AHCTF1: variants seen among roughly 807,000 people sequenced by gnomAD.
AHCTF1 encodes the protein AT-hook containing transcription factor 1.
Under a neutral mutation model 248.4 loss-of-function variants are expected in AHCTF1, and 24 were observed. The ratio of observed to expected loss-of-function variants is 0.10; its 90% CI spans 0.07 to 0.14. AHCTF1 has a LOEUF of 0.14. Among genes scored for constraint, AHCTF1 ranks in the 10% least tolerant of loss-of-function variants. The probability of loss-of-function intolerance (pLI) is 1.00; values close to 1 mark genes in which losing one functional copy is unlikely to be tolerated. For synonymous variants in AHCTF1, 786 were observed against 929.8 expected (o/e 0.85, Z 2.81); for missense variants, 2,206 against 2,636.2 (o/e 0.84, Z 3.57).
rs1663980718 is a variant in AHCTF1 at position 246,888,437 on chromosome 1, C to T, written c.2225G>A (p.Arg742Gln). 1.9e-6 allele frequency: 3 copies of T among 1,613,144 alleles called. No homozygotes were observed. The highest frequency in any genetic ancestry group is 2.2e-5 in the East Asian group (1 of 44,878). Residue 742 changes from arginine (R) to glutamine (Q), a missense_variant, in exon 18 of 36, where the codon CGA becomes CAA. By Grantham distance (43) the Arg-to-Gln change is conservative (BLOSUM62 1). Transcript: ENST00000648844. ...ATATTTTCCTGTGCCTCCTTCATCT[C>T]GTTTCCACAACTTCTCAATTCGCTC... The part of the protein sequence containing the change: ...LGERIEKLWK[R>Q]DEGGTGKYPP...
chr1:246,923,001 A>G (rs1437413923), intron 1 of AHCTF1, among the ~76,000 whole-genome samples: 2 of 150,260 alleles, frequency 1.3e-5, no homozygotes, highest in Non-Finnish European at 3.0e-5. Flanking sequence ...AAAAAAAAAA[A>G]AAAGTATCAA....
intron 25 of AHCTF1, 44 bp from the exon 26 acceptor site, chr1:246,867,395 C>T: frequency 7.6e-7 from 1 of 1,313,726 alleles, no homozygotes; most frequent in Non-Finnish European, 1.1e-6. Flanking sequence ...ACAAGGAGCA[C>T]TGATAACAAG....
At chr1:246,927,552 A>G (rs992777753) in intron 1 of AHCTF1, among the ~76,000 whole-genome samples, 1 of 152,250 alleles carries the variant, frequency 6.6e-6, no homozygotes, top group East Asian at 1.9e-4. Flanking sequence ...ACAAACACAC[A>G]TGAAACACCT....
rs750919421 is a variant in AHCTF1, at chr1:246,853,098, T to C, written c.4556A>G (p.Glu1519Gly). 19 of 1,603,378 alleles carry C rather than the reference T, an allele frequency of 1.2e-5. No homozygotes were observed. The highest frequency in any genetic ancestry group is 1.5e-5 in the Non-Finnish European group (18 of 1,176,730). Residue 1519 changes from glutamate (E) to glycine (G), a missense_variant, in exon 32 of 36, where the codon GAA becomes GGA. Transcript: ENST00000648844. ...AAAATTAATTTTTTTTACATGAATTTCTTGAGTATCAGGAGGGCTGTCAGA... is the reference window on the plus strand; with the variant it reads ...AAAATTAATTTTTTTTACATGAATTCCTTGAGTATCAGGAGGGCTGTCAGA... Reference protein sequence around the residue: ...PISDSPPDTQEIHVIEQEKLE... With the variant: ...PISDSPPDTQGIHVIEQEKLE...
chr1:246,884,541 A>G (rs567964295), intron 21 of AHCTF1, among the ~76,000 whole-genome samples: 6 of 152,330 alleles, frequency 3.9e-5, no homozygotes, highest in Non-Finnish European at 7.4e-5. Flanking sequence ...GTGGTATAAA[A>G]TAAGTCTAGT....
intron 23 of AHCTF1, 150 bp downstream of exon 23, chr1:246,876,800 T>G (rs1663001769): frequency 1.0e-6 from 1 of 956,848 alleles, no homozygotes; most frequent in East Asian, 2.5e-5. Context: ...TGTTCCCAAT[T>G]CTGTTACAGA....
chr1:246,860,988 G>C lies in AHCTF1; in HGVS notation c.4043C>G (p.Thr1348Ser), dbSNP rs762383722. 1.2e-5 allele frequency: 19 copies of C among 1,613,812 alleles called. No individual in the cohort carries two copies. Among genetic ancestry groups the C allele is most frequent in the Admixed American group, 1.7e-5 (1 of 59,998 alleles). The change falls in exon 29 of 36, where the codon ACT becomes AGT. Residue 1348 changes from threonine to serine, a missense_variant. By Grantham distance (58) the Thr-to-Ser change is moderately conservative. Coordinates refer to ENST00000648844, the MANE Select transcript of AHCTF1 (RefSeq NM_001323342.2). ...TTCAGTTTGTTCAGTTACATTAGTA[G>C]TTAGTGCAGTGGAAGAGCTTTTGGG... ...SKPKSSSTAL[T>S]TNVTEQTEKD...
rs544937640 is a variant in AHCTF1, at chr1:246,884,038, A to G, written c.2660+1455T>C. Among the ~76,000 whole-genome samples the G allele has an allele frequency of 2.6e-4, 39 of 152,298 alleles. 1 individual carries two copies. In the South Asian group the frequency reaches 7.7e-3, roughly 30 times the overall value. On this transcript the variant is annotated intron_variant, in intron 21 of 35. Transcript: ENST00000648844. ...AGTGATTAAGTAGCAACACTTTAAC[A>G]TCACTAAACAGTGAGAGGTACATGC...
intron 11 of AHCTF1, 44 bp from the exon 12 acceptor site, chr1:246,898,380 G>A: frequency 1.9e-6 from 3 of 1,543,892 alleles, no homozygotes; most frequent in Non-Finnish European, 1.8e-6. Flanking sequence ...TGCTCAATTT[G>A]AATAATCAAA....
At chr1:246,852,539 T>C (rs1274560648) in intron 32 of AHCTF1, among the ~76,000 whole-genome samples, 3 of 152,016 alleles carry the variant, frequency 2.0e-5, no homozygotes, top group Non-Finnish European at 2.9e-5. Context: ...ATTTTCAGAG[T>C]GTACAGATGT....
chr1:246,870,221 A>T, intron 24 of AHCTF1, among the ~76,000 whole-genome samples: 1 of 152,126 alleles, frequency 6.6e-6, no homozygotes, highest in East Asian at 1.9e-4. Flanking sequence ...AGGTGGGAGG[A>T]TCACTTGAGG....
rs77210882 is a variant in AHCTF1 at position 246,871,029 on chromosome 1, T to G, written c.3089-3218A>C. On this transcript the variant is annotated intron_variant, in intron 24 of 35. Transcript: ENST00000648844. ...CGCTCCCACTGTAGCCTTGCTTAAG[T>G]TGCCAAACCTTTTGACTTATCTGTC... 5.8e-3 allele frequency among the ~76,000 whole-genome samples: 877 copies of G among 152,298 alleles called. 10 individuals are homozygous for G. The highest frequency in any genetic ancestry group is 0.02 in the African/African-American group (832 of 41,560).
chr1:246,910,101 T>C (rs1311167913), intron 4 of AHCTF1, among the ~76,000 whole-genome samples: 3 of 152,206 alleles, frequency 2.0e-5, no homozygotes, highest in South Asian at 4.1e-4. Flanking sequence ...CAAACTACCT[T>C]GCCAAAATAC....
chr1:246,847,899 G>A (rs1039751917), intron 33 of AHCTF1, among the ~76,000 whole-genome samples: 8 of 151,988 alleles, frequency 5.3e-5, no homozygotes, highest in Non-Finnish European at 8.8e-5. Context: ...ATGACTTCCT[G>A]CCACTCCCTG....
intron 32 of AHCTF1, 126 bp from the exon 33 acceptor site, chr1:246,851,568 T>C (rs1281704246): frequency 5.0e-6 from 4 of 794,490 alleles, no homozygotes; most frequent in African/African-American, 1.7e-5. Context: ...TAATATGGCA[T>C]ATACTTATGG....
At position 246,902,554 on chromosome 1, in the gene AHCTF1, T is replaced by G; in HGVS notation, c.1088A>C (p.His363Pro). 6.2e-7 allele frequency: 1 copy of G among 1,611,646 alleles called. No individual in the cohort carries two copies. Among genetic ancestry groups the G allele is most frequent in the Non-Finnish European group, 8.5e-7 (1 of 1,179,638 alleles). Residue 363 changes from histidine (H) to proline (P), a missense_variant, in exon 8 of 36, where the codon CAT becomes CCT. Coordinates refer to ENST00000648844, the MANE Select transcript of AHCTF1 (RefSeq NM_001323342.2). ...GCQSIEKFRS[H>P]GDREEGVNEA... ...ATTCACGCCTTCCTCCCTGTCACCA[T>G]GAGATCGAAATTTCTCTATACTCTG...
At chr1:246,871,522 G>A (rs1364194639) in intron 24 of AHCTF1, among the ~76,000 whole-genome samples, 6 of 152,160 alleles carry the variant, frequency 3.9e-5, no homozygotes, top group Non-Finnish European at 7.3e-5. Context: ...TCGTAAATCA[G>A]AGTAACATCA....
At chr1:246,923,138 G>A (rs566604021) in intron 1 of AHCTF1, among the ~76,000 whole-genome samples, 31 of 150,430 alleles carry the variant, frequency 2.1e-4, no homozygotes, top group Admixed American at 1.9e-3. Context: ...AGATAGGCTG[G>A]GCACGGTGGC....
At chr1:246,874,110 T>A (rs1334390140) in intron 24 of AHCTF1, among the ~76,000 whole-genome samples, 1 of 152,082 alleles carries the variant, frequency 6.6e-6, no homozygotes, top group Admixed American at 6.5e-5. Flanking sequence ...TAATCTTTTT[T>A]AATATTAGAG....
Sources: allele counts gnomAD v4.1 joint callset (sites outside exome capture counted in the v4.1 genomes callset), GRCh38; gene constraint gnomAD v4.1.1; transcripts MANE v1.5; gene names NCBI Gene and HGNC (gene_info 2026-07-23, HGNC 2026-07-21).